Variants in FHAD1 observed in about 807,000 individuals in gnomAD.
The protein encoded by FHAD1 is forkhead-associated domain-containing protein 1.
In FHAD1, 146 loss-of-function variants were observed where a neutral mutation model predicts 191.3. The ratio of observed to expected loss-of-function variants is 0.76; its 90% CI spans 0.67 to 0.88. The LOEUF (loss-of-function observed/expected upper bound fraction) is 0.88. FHAD1 is among the 40% of genes least tolerant of loss of function. FHAD1 has a pLI of 0.00. For synonymous variants in FHAD1, 616 were observed against 672.3 expected, an observed-to-expected ratio of 0.92 and a Z score of 1.29; for missense variants, 1,635 against 1,785.8, an observed-to-expected ratio of 0.92 and a Z score of 1.52.
intron 28 of FHAD1, among the ~76,000 whole-genome samples, chr1:15,379,616 T>C (rs1366186092): frequency 3.9e-5 from 6 of 152,214 alleles, no homozygotes; most frequent in Non-Finnish European, 8.8e-5. Flanking sequence ...CACGAGGCCA[T>C]ATTTCAGACT....
chr1:15,360,391 G>C, intron 21 of FHAD1, 87 bp from the exon 22 acceptor site: 3 of 1,205,112 alleles, frequency 2.5e-6, no homozygotes, highest in Non-Finnish European at 3.5e-6. Flanking sequence ...GCCCAGTTTA[G>C]CACCTATGTG....
intron 31 of FHAD1, chr1:15,383,749 A>T (rs1368816364): frequency 1.1e-4 from 34 of 319,874 alleles, no homozygotes; most frequent in South Asian, 8.2e-4. Flanking sequence ...TGCAGCCGTG[A>T]TAGGGCTTAT....
upstream of FHAD1, among the ~76,000 whole-genome samples, chr1:15,243,326 G>A (rs11585832): frequency 0.12 from 18,457 of 152,140 alleles, 1,283 homozygotes; most frequent in Middle Eastern, 0.2. Flanking sequence ...CTAATGGGCC[G>A]TGGAGTCTCT....
At chr1:15,336,098 ACT>A (rs1181619886) in intron 14 of FHAD1, among the ~76,000 whole-genome samples, 1 of 152,078 alleles carries the variant, frequency 6.6e-6, no homozygotes, top group Non-Finnish European at 1.5e-5. Context: ...CCAACCCTGT[ACT>A]CTCAAGCCTC....
intron 25 of FHAD1, 110 bp downstream of exon 25, chr1:15,367,732 A>G (rs1696924380): frequency 3.5e-6 from 3 of 851,948 alleles, no homozygotes; most frequent in Non-Finnish European, 5.4e-6. Context: ...TGAATGAATG[A>G]ATGATATGTG....
rs566211913 is a variant in FHAD1, at chr1:15,311,934, G to A, written c.1040-1123G>A. On this transcript the variant is annotated intron_variant, in intron 7 of 33. Coordinates refer to ENST00000688493, the MANE Select transcript of FHAD1 (RefSeq NM_001391957.1). The surrounding 1 kb of genome is among the most constrained non-coding windows in gnomAD (Gnocchi z 4.1). ...ACTGCTGTCATGTCATCTAAAGCCC[G>A]ACTAGGGCTCGAGGATCCCCTTCTG... Among the ~76,000 whole-genome samples, 4 of 152,290 alleles carry A rather than the reference G, an allele frequency of 2.6e-5. No individual in the cohort carries two copies. The East Asian group carries it at 5.8e-4, about 22-fold the overall frequency.
intron 3 of FHAD1, among the ~76,000 whole-genome samples, chr1:15,272,901 C>T (rs1354847334): frequency 2.6e-5 from 4 of 152,158 alleles, no homozygotes; most frequent in Non-Finnish European, 5.9e-5. Flanking sequence ...TGACCTGGGC[C>T]AGACTTCTTC....
intron 17 of FHAD1, 62 bp from the exon 18 acceptor site, chr1:15,345,354 C>T (rs1160608680): frequency 7.5e-6 from 11 of 1,470,722 alleles, no homozygotes; most frequent in African/African-American, 1.4e-5. Context: ...TGTGCGGTGC[C>T]TGGCAGAGTC....
intron 18 of FHAD1, among the ~76,000 whole-genome samples, chr1:15,348,679 C>G (rs1043729050): frequency 6.6e-6 from 1 of 152,166 alleles, no homozygotes; most frequent in Non-Finnish European, 1.5e-5. Flanking sequence ...TGCCTGGCCT[C>G]GTGATAGGAA....
intron 12 of FHAD1, 115 bp from the exon 13 acceptor site, chr1:15,328,162 C>T: frequency 1.2e-6 from 1 of 820,288 alleles, no homozygotes; most frequent in South Asian, 2.8e-5. Flanking sequence ...TCCTCCCGTG[C>T]TTAGACAGGG....
At chr1:15,389,166 A>G (rs1394348841) in intron 32 of FHAD1, among the ~76,000 whole-genome samples, 1 of 152,168 alleles carries the variant, frequency 6.6e-6, no homozygotes, top group East Asian at 1.9e-4. Flanking sequence ...TTGTGTGGGT[A>G]AAGAATCCTA....
At chr1:15,321,083 C>A (rs138284700) in intron 10 of FHAD1, among the ~76,000 whole-genome samples, 57 of 152,266 alleles carry the variant, frequency 3.7e-4, no homozygotes, top group African/African-American at 1.1e-3. Flanking sequence ...TACAGGTGTA[C>A]ACCACCATGC....
At chr1:15,241,934 G>A (rs893230003) in intron 1 of FHAD1, among the ~76,000 whole-genome samples, 3 of 151,992 alleles carry the variant, frequency 2.0e-5, no homozygotes, top group Non-Finnish European at 2.9e-5. Flanking sequence ...TATTATCTTC[G>A]ATAAAAAGTT....
chr1:15,249,778 C>G (rs560579158), intron 1 of FHAD1, among the ~76,000 whole-genome samples: 1 of 152,236 alleles, frequency 6.6e-6, no homozygotes, highest in South Asian at 2.1e-4. Flanking sequence ...CCTCCCCCCA[C>G]TCAGTCACTC....
chr1:15,273,224 T>A (rs1029569219), intron 3 of FHAD1, among the ~76,000 whole-genome samples: 2 of 152,204 alleles, frequency 1.3e-5, no homozygotes, highest in African/African-American at 2.4e-5. Context: ...GAAGTATTAT[T>A]TGTAGTGGCA....
At chr1:15,326,869 C>T (rs928962101) in intron 11 of FHAD1, 190 bp from the exon 12 acceptor site, 3 of 560,684 alleles carry the variant, frequency 5.4e-6, no homozygotes, top group Non-Finnish European at 6.5e-6. Context: ...GTAATTAAAG[C>T]CTGCTGTTCT....
chr1:15,346,115 G>A lies in FHAD1; in HGVS notation c.2346+592G>A, dbSNP rs559254095. ...CAGATGTGTGAAAACAGGGGCGCCCGCACCCTGTGTCTGCTCCTCCCCGGG... is the reference window on the plus strand; with the variant it reads ...CAGATGTGTGAAAACAGGGGCGCCCACACCCTGTGTCTGCTCCTCCCCGGG... On this transcript the variant is annotated intron_variant, in intron 18 of 33. Coordinates refer to ENST00000688493, the MANE Select transcript of FHAD1 (RefSeq NM_001391957.1). Among the ~76,000 whole-genome samples the A allele has an allele frequency of 3.3e-5, 5 of 152,174 alleles. No individual in the cohort carries two copies. In the South Asian group the frequency reaches 6.2e-4, roughly 19 times the overall value.
chr1:15,392,708 A>G (rs1172405693), intron 33 of FHAD1, among the ~76,000 whole-genome samples: 1 of 152,164 alleles, frequency 6.6e-6, no homozygotes, highest in Non-Finnish European at 1.5e-5. Context: ...GTCCATCCCT[A>G]ACAAGCTTCA....
chr1:15,269,988 G>C (rs968027911), intron 2 of FHAD1, among the ~76,000 whole-genome samples: 8 of 142,604 alleles, frequency 5.6e-5, no homozygotes, highest in Non-Finnish European at 1.0e-4. Flanking sequence ...TCAGCTCACT[G>C]CAACCTCCAC....
Sources: allele counts gnomAD v4.1 joint callset (sites outside exome capture counted in the v4.1 genomes callset), GRCh38; gene constraint gnomAD v4.1.1; non-coding constraint Gnocchi (gnomAD v3.1); transcripts MANE v1.5; gene names NCBI Gene and HGNC (gene_info 2026-07-23, HGNC 2026-07-21).